Variants in CA5A observed in about 807,000 individuals in gnomAD.
CA5A encodes carbonic anhydrase 5A, mitochondrial.
A neutral mutation model predicts 37.1 loss-of-function variants in CA5A; 28 were observed. The observed-to-expected ratio is 0.75, with a 90% CI of 0.56 to 1.03. The LOEUF is 1.03. Ranked by LOEUF, CA5A falls within the 50% of genes least tolerant of loss-of-function variation. The pLI, the probability that CA5A is intolerant of heterozygous loss-of-function variation, is 0.00. For synonymous variants in CA5A, 171 were observed against 158.4 expected (o/e 1.08, Z -0.60); for missense variants, 444 against 399.9 (o/e 1.11, Z -0.94).
At chr16:87,917,840 C>T (rs1327335446) in intron 2 of CA5A, among the ~76,000 whole-genome samples, 2 of 146,788 alleles carry the variant, frequency 1.4e-5, no homozygotes, top group African/African-American at 5.1e-5. Flanking sequence ...TGCACACACA[C>T]GTGCACACAC....
At chr16:87,914,386 A>T (rs1350762255) in intron 2 of CA5A, among the ~76,000 whole-genome samples, 1 of 152,150 alleles carries the variant, frequency 6.6e-6, no homozygotes, top group Non-Finnish European at 1.5e-5. Context: ...GGGTGGGATG[A>T]TGGCATATTG....
chr16:87,897,728 G>A (rs946064296), intron 5 of CA5A, among the ~76,000 whole-genome samples: 3 of 152,206 alleles, frequency 2.0e-5, no homozygotes, highest in Non-Finnish European at 2.9e-5. Context: ...TTAAAAACGG[G>A]CTCTTCACCT....
At chr16:87,898,073 T>C (rs1029339997) in intron 5 of CA5A, among the ~76,000 whole-genome samples, 3 of 152,148 alleles carry the variant, frequency 2.0e-5, no homozygotes, top group Admixed American at 6.5e-5. Flanking sequence ...GAGCACTGCA[T>C]AGAAGCCAGC....
At chr16:87,905,269 G>A (rs914907701) in intron 2 of CA5A, among the ~76,000 whole-genome samples, 1 of 152,114 alleles carries the variant, frequency 6.6e-6, no homozygotes, top group Admixed American at 6.5e-5. Context: ...AAAAAAAAAG[G>A]TGTCTTCCAA....
intron 1 of CA5A, among the ~76,000 whole-genome samples, chr16:87,928,474 C>T (rs916250986): frequency 6.6e-6 from 1 of 152,142 alleles, no homozygotes. Flanking sequence ...TACCACCACA[C>T]CCGGCCAGGA....
intron 2 of CA5A, among the ~76,000 whole-genome samples, chr16:87,918,979 G>A (rs146406353): frequency 7.0e-6 from 1 of 143,558 alleles, no homozygotes; most frequent in Non-Finnish European, 1.5e-5. Context: ...AAATGACAAA[G>A]TGAAACCAGA....
downstream of CA5A, chr16:87,884,209 A>G (rs535358187): frequency 9.5e-5 from 13 of 136,656 alleles, no homozygotes; most frequent in East Asian, 2.9e-3. Flanking sequence ...TGAGGTCAGG[A>G]GTTCGAGACC....
intron 1 of CA5A, among the ~76,000 whole-genome samples, 166 bp downstream of exon 1, chr16:87,936,143 G>C (rs2056467319): frequency 6.8e-6 from 1 of 147,516 alleles, no homozygotes; most frequent in African/African-American, 2.5e-5. Flanking sequence ...CTGTACTCCA[G>C]CCTGGGCCAC....
chr16:87,908,315 G>A (rs770094085), intron 2 of CA5A, among the ~76,000 whole-genome samples: 5 of 152,162 alleles, frequency 3.3e-5, no homozygotes, highest in Non-Finnish European at 5.9e-5. Context: ...TGAGAAGGGC[G>A]GGCAGGATAA....
intron 5 of CA5A, chr16:87,893,818 G>A (rs1054433291): frequency 6.7e-5 from 23 of 341,586 alleles, no homozygotes; most frequent in South Asian, 5.0e-4. Context: ...TGTCACCCAG[G>A]CAGGAGTGCA....
At position 87,922,825 on chromosome 16, in the gene CA5A, G is replaced by A. The variant is rs1016851545; in HGVS notation, c.340+3923C>T. Reference sequence around the variant, plus strand: ...TTGGATGCAGATTCTTTCTCTAAACGGTGCCTGCTCCCCAGATTCCCTTCT... The same window carrying A: ...TTGGATGCAGATTCTTTCTCTAAACAGTGCCTGCTCCCCAGATTCCCTTCT... On this transcript the variant is annotated intron_variant, in intron 2 of 6. Coordinates refer to ENST00000649794, the MANE Select transcript of CA5A (RefSeq NM_001739.2). 3.9e-5 allele frequency among the ~76,000 whole-genome samples: 6 copies of A among 152,252 alleles called. No homozygotes were observed. In the South Asian group the frequency reaches 6.2e-4, roughly 16 times the overall value.
chr16:87,928,800 A>C (rs1414201579), intron 1 of CA5A, among the ~76,000 whole-genome samples: 1 of 114,012 alleles, frequency 8.8e-6, no homozygotes, highest in Non-Finnish European at 1.6e-5. Context: ...ACGGAGTCTC[A>C]CTCGGTCGCC....
Position 87,904,798 on chromosome 16 carries a change from C to G in CA5A, c.447G>C (p.Ala149=), listed in dbSNP as rs148813133. ...GGSEHTVDGH[A]YPAELHLVHW... is the part of the protein sequence containing the mutation. ...CACGTCTACAAACCTCTGCGGGGTA[C>G]GCGTGGCCGTCCACTGTGTGCTCTG... The change falls in exon 3 of 7, where the codon GCG becomes GCC. Residue 149 remains alanine, a synonymous_variant. Coordinates refer to ENST00000649794, the MANE Select transcript of CA5A (RefSeq NM_001739.2). 1.9e-6 allele frequency: 3 copies of G among 1,604,784 alleles called. No individual in the cohort carries two copies.
chr16:87,919,947 C>T (rs1312156297), intron 2 of CA5A, among the ~76,000 whole-genome samples: 1 of 152,210 alleles, frequency 6.6e-6, no homozygotes, highest in Non-Finnish European at 1.5e-5. Flanking sequence ...GAACACCACA[C>T]ATCACCGCTC....
rs754568974 is a variant in CA5A, at chr16:87,888,234, A to C, written c.813T>G (p.Gly271=). The part of the protein sequence containing the change: ...AFRTLLFSAL[G]EEEKMMVNNY... Reference sequence around the variant, plus strand: ...TGTTCACCATCATCTTCTCCTCTTCACCAAGTGCAGAAAACAGGAGAGTAC... The same window carrying C: ...TGTTCACCATCATCTTCTCCTCTTCCCCAAGTGCAGAAAACAGGAGAGTAC... The change falls in exon 7 of 7, where the codon GGT becomes GGG. Residue 271 remains glycine, a synonymous_variant. Coordinates refer to ENST00000649794, the MANE Select transcript of CA5A (RefSeq NM_001739.2). The C allele has an allele frequency of 6.2e-7, 1 of 1,613,826 alleles. No homozygotes were observed. Among genetic ancestry groups the C allele is most frequent in the African/African-American group, 1.3e-5 (1 of 75,018 alleles).
In CA5A at chr16:87,923,278, T is replaced by C. The variant is rs533159643; in HGVS notation, c.340+3470A>G. Reference sequence around the variant, plus strand: ...ATCTCTGCTCACTGCAAACTCCACCTCCCAAATTCAAGCGATTCTCCTGCC... The same window carrying C: ...ATCTCTGCTCACTGCAAACTCCACCCCCCAAATTCAAGCGATTCTCCTGCC... On this transcript the variant is annotated intron_variant, in intron 2 of 6. Transcript: ENST00000649794. Among the ~76,000 whole-genome samples, 7 of 152,180 alleles carry C rather than the reference T, an allele frequency of 4.6e-5. No individual in the cohort carries two copies. In the South Asian group the frequency reaches 1.2e-3, roughly 27 times the overall value.
At chr16:87,918,472 T>C (rs8061317) in intron 2 of CA5A, among the ~76,000 whole-genome samples, 37,534 of 150,794 alleles carry the variant, frequency 0.25, 5,075 homozygotes, top group South Asian at 0.38. Flanking sequence ...CCGCCACCTC[T>C]GTTACTCATC....
chr16:87,918,257 C>T (rs901568325), intron 2 of CA5A, among the ~76,000 whole-genome samples: 1 of 152,222 alleles, frequency 6.6e-6, no homozygotes, highest in African/African-American at 2.4e-5. Context: ...CTGGGCCCTC[C>T]CGCACCTTTA....
intron 2 of CA5A, among the ~76,000 whole-genome samples, chr16:87,917,117 A>G (rs538960999): frequency 1.4e-3 from 115 of 81,938 alleles, no homozygotes; most frequent in African/African-American, 7.2e-3. Flanking sequence ...AAAAAAAAAA[A>G]AAAAGAAAAG....
Sources: allele counts gnomAD v4.1 joint callset (sites outside exome capture counted in the v4.1 genomes callset), GRCh38; gene constraint gnomAD v4.1.1; transcripts MANE v1.5; gene names NCBI Gene and HGNC (gene_info 2026-07-23, HGNC 2026-07-21).